Variants in DOCK4 observed in about 807,000 individuals in gnomAD.
DOCK4 encodes the protein dedicator of cytokinesis 4.
A neutral mutation model predicts 268.1 loss-of-function variants in DOCK4; 97 were observed. That is an observed-to-expected ratio of 0.36 (90% CI 0.31 to 0.43). DOCK4 has a LOEUF of 0.43. Ranked by LOEUF, DOCK4 falls within the 20% of genes least tolerant of loss-of-function variation. The probability of loss-of-function intolerance (pLI) is 1.00; values close to 1 mark genes in which losing one functional copy is unlikely to be tolerated. For missense variants in DOCK4, 2,145 were observed against 2,455.7 expected, an observed-to-expected ratio of 0.87 and a Z score of 2.67; for synonymous variants, 954 against 887.2, an observed-to-expected ratio of 1.08 and a Z score of -1.34.
At position 111,871,969 on chromosome 7, in the gene DOCK4, T is replaced by C. The variant is rs747649437; in HGVS notation, c.2027+21A>G. The C allele has an allele frequency of 2.0e-6, 3 of 1,515,268 alleles. No homozygotes were observed. The Admixed American group carries it at 7.0e-5, about 35-fold the overall frequency. The allele number at this position is 1,515,268 out of a possible 1,614,324, so 93.9% of individuals were successfully genotyped here. The stretch of plus-strand genomic sequence containing the variant: ...TTGAAAGGAACCACTTCTAAACTAA[T>C]TACAAGATACAGGGCCTTACCTGTA... On this transcript the variant is annotated intron_variant, in intron 20 of 52. Transcript: ENST00000428084.
intron 38 of DOCK4, 147 bp downstream of exon 38, chr7:111,766,885 C>G: frequency 1.7e-6 from 1 of 581,330 alleles, no homozygotes; most frequent in South Asian, 2.4e-5. Flanking sequence ...TTTGCTATTT[C>G]TCTATATAAA....
intron 13 of DOCK4, among the ~76,000 whole-genome samples, chr7:111,911,525 T>A (rs1470230710): frequency 6.6e-6 from 1 of 152,112 alleles, no homozygotes; most frequent in Admixed American, 6.5e-5. Flanking sequence ...TCTTTTGTAC[T>A]CCCCTGAACT....
At chr7:111,945,685 T>C (rs1449331789) in intron 9 of DOCK4, 32 bp downstream of exon 9, 5 of 1,520,994 alleles carry the variant, frequency 3.3e-6, no homozygotes, top group African/African-American at 1.4e-5. Flanking sequence ...ACTGGATGAA[T>C]CTGCCTTATG....
intron 25 of DOCK4, among the ~76,000 whole-genome samples, chr7:111,843,004 G>C (rs992827905): frequency 6.6e-6 from 1 of 152,168 alleles, no homozygotes; most frequent in Middle Eastern, 3.2e-3. Context: ...TTGGTCATAA[G>C]AGAAAATAAC....
intron 36 of DOCK4, among the ~76,000 whole-genome samples, chr7:111,770,406 T>A (rs896494939): frequency 2.0e-5 from 3 of 151,712 alleles, no homozygotes; most frequent in African/African-American, 7.3e-5. Flanking sequence ...GCCCCACAAA[T>A]CTTCTGTAAA....
intron 26 of DOCK4, among the ~76,000 whole-genome samples, chr7:111,825,366 G>C (rs1314619529): frequency 6.6e-6 from 1 of 152,140 alleles, no homozygotes; most frequent in Non-Finnish European, 1.5e-5. Flanking sequence ...CTCAATGCTA[G>C]ATTCTTTAAC....
At chr7:112,161,322 G>A (rs1817104499) in intron 1 of DOCK4, among the ~76,000 whole-genome samples, 1 of 152,120 alleles carries the variant, frequency 6.6e-6, no homozygotes, top group Non-Finnish European at 1.5e-5. Flanking sequence ...ATCCACGTAA[G>A]AAAATTTCAT....
At chr7:111,746,454 A>T (rs1246495591) in intron 43 of DOCK4, 37 bp from the exon 44 acceptor site, 1 of 1,421,248 alleles carries the variant, frequency 7.0e-7, no homozygotes, top group Non-Finnish European at 9.6e-7. Flanking sequence ...ACTTTAGTGG[A>T]GTACAAGGCA....
intron 23 of DOCK4, among the ~76,000 whole-genome samples, chr7:111,848,227 C>T (rs1222595869): frequency 6.6e-6 from 1 of 152,120 alleles, no homozygotes; most frequent in Non-Finnish European, 1.5e-5. Context: ...CTGGTAATTC[C>T]CATACCTTAT....
chr7:112,095,822 C>G (rs937262572), intron 1 of DOCK4, among the ~76,000 whole-genome samples: 3 of 152,098 alleles, frequency 2.0e-5, no homozygotes, highest in Non-Finnish European at 2.9e-5. Context: ...TGGCTCACAC[C>G]TGCAATCCCA....
chr7:111,975,681 A>G (rs1440908064), intron 8 of DOCK4, among the ~76,000 whole-genome samples: 1 of 152,224 alleles, frequency 6.6e-6, no homozygotes, highest in East Asian at 1.9e-4. Flanking sequence ...ACCACCTTCT[A>G]AATTCTATGG....
At chr7:111,949,298 T>G (rs1208741542) in intron 8 of DOCK4, among the ~76,000 whole-genome samples, 1 of 152,214 alleles carries the variant, frequency 6.6e-6, no homozygotes, top group Non-Finnish European at 1.5e-5. Context: ...TTTTCAATAT[T>G]AAAACCTTAA....
At chr7:112,201,537 T>C (rs1421760544) in intron 1 of DOCK4, among the ~76,000 whole-genome samples, 2 of 152,236 alleles carry the variant, frequency 1.3e-5, no homozygotes, top group Admixed American at 6.5e-5. Context: ...CTCAGGAAGA[T>C]GCCATGACTC....
intron 1 of DOCK4, among the ~76,000 whole-genome samples, chr7:112,146,244 G>T (rs1815481574): frequency 6.6e-6 from 1 of 152,142 alleles, no homozygotes; most frequent in Non-Finnish European, 1.5e-5. Context: ...GGCATGGGAG[G>T]AGTTTCAAAG....
intron 1 of DOCK4, among the ~76,000 whole-genome samples, chr7:112,016,421 C>T (rs1476173891): frequency 6.6e-6 from 1 of 152,188 alleles, no homozygotes; most frequent in Non-Finnish European, 1.5e-5. Context: ...GTGATATTAA[C>T]TTTGATCACT....
intron 1 of DOCK4, among the ~76,000 whole-genome samples, chr7:112,156,802 CAAAG>C (rs546327023): frequency 6.6e-6 from 1 of 151,922 alleles, no homozygotes; most frequent in African/African-American, 2.4e-5. Context: ...GTTTTATTTA[CAAAG>C]AAAGAAAATG....
At chr7:111,757,887 CT>C (rs1797135778) in intron 41 of DOCK4, among the ~76,000 whole-genome samples, 2 of 150,686 alleles carry the variant, frequency 1.3e-5, no homozygotes, top group Non-Finnish European at 2.9e-5. Flanking sequence ...GAAATACTAA[CT>C]GGGGGGGGTG....
chr7:112,105,982 C>T (rs546257268), intron 1 of DOCK4, among the ~76,000 whole-genome samples: 14 of 152,290 alleles, frequency 9.2e-5, no homozygotes, highest in East Asian at 5.8e-4. Flanking sequence ...TGAGCCACTG[C>T]GCCCAGCCAG....
chr7:112,027,872 G>C (rs994424199), intron 1 of DOCK4, among the ~76,000 whole-genome samples: 1 of 152,206 alleles, frequency 6.6e-6, no homozygotes, highest in African/African-American at 2.4e-5. Flanking sequence ...GACAAGGTGA[G>C]TAAATCACAG....
Sources: gnomAD v4.1 joint callset for allele counts (sites outside exome capture counted in the v4.1 genomes callset) on GRCh38, gnomAD v4.1.1 for gene constraint, MANE v1.5 for transcripts, NCBI Gene and HGNC (gene_info 2026-07-23, HGNC 2026-07-21) for gene names.